TBC1D16: variants seen among roughly 807,000 people sequenced by gnomAD.
The protein encoded by TBC1D16 is TBC1 domain family member 16.
A neutral mutation model predicts 74.7 loss-of-function variants in TBC1D16; 58 were observed. The observed-to-expected ratio is 0.78, with a 90% CI of 0.63 to 0.97. The LOEUF (loss-of-function observed/expected upper bound fraction) is 0.97, where lower values mean the gene tolerates loss of function less well. Among genes scored for constraint, TBC1D16 ranks in the 50% least tolerant of loss-of-function variants. TBC1D16 has a pLI of 0.00. For missense variants in TBC1D16, 1,014 were observed against 1,079.5 expected (o/e 0.94, Z 0.85); for synonymous variants, 493 against 474.7 (o/e 1.04, Z -0.50).
intron 1 of TBC1D16, among the ~76,000 whole-genome samples, chr17:80,031,016 A>C (rs936208765): frequency 6.6e-5 from 10 of 152,292 alleles, no homozygotes; most frequent in African/African-American, 2.4e-4. Context: ...CCGCTGCAGA[A>C]CGTCTGCTGC....
chr17:80,013,622 G>A lies in TBC1D16; in HGVS notation c.-62-13C>T, dbSNP rs2035981337. On this transcript the variant is annotated splice_polypyrimidine_tract_variant and intron_variant, in intron 1 of 11. Coordinates refer to ENST00000310924, the MANE Select transcript of TBC1D16 (RefSeq NM_019020.4). Reference sequence around the variant, plus strand: ...CGTCAAGACCTGCCTGGGGGAGGAAGAGAGAGGAGATGGTCAAGGTTGTGG... The same window carrying A: ...CGTCAAGACCTGCCTGGGGGAGGAAAAGAGAGGAGATGGTCAAGGTTGTGG... 7.1e-7 allele frequency: 1 copy of A among 1,406,732 alleles called. No homozygotes were observed. The highest frequency in any genetic ancestry group is 1.5e-5 in the African/African-American group (1 of 68,622). 87.1% of individuals were successfully genotyped at this position (1,406,732 alleles called of 1,614,324 possible). A position where few individuals can be genotyped will look rare whatever the true frequency, so the allele number is the denominator to read the frequency against.
chr17:79,989,577 T>G (rs759371246), intron 3 of TBC1D16, among the ~76,000 whole-genome samples: 6 of 152,252 alleles, frequency 3.9e-5, no homozygotes, highest in Non-Finnish European at 7.3e-5. Context: ...AAACTGGCCT[T>G]GTGGAGTTCG....
In TBC1D16 at chr17:79,948,920, T is replaced by A. The variant is rs752594547; in HGVS notation, c.1493A>T (p.Asn498Ile). The part of the protein sequence containing the change: ...VDKDVVRTDR[N>I]NQFFRGEDNP... Reference sequence around the variant, plus strand: ...GTCTTCCCCCCGGAAGAACTGGTTGTTCCGATCTGTCCGGACCACGTCTTT... The same window carrying A: ...GTCTTCCCCCCGGAAGAACTGGTTGATCCGATCTGTCCGGACCACGTCTTT... Residue 498 changes from asparagine (N) to isoleucine (I), a missense_variant, in exon 8 of 12, where the codon AAC (asparagine) becomes ATC (isoleucine). Physicochemically the swap from Asn to Ile is moderately radical, Grantham distance 149. Transcript: ENST00000310924. The A allele has an allele frequency of 1.2e-6, 2 of 1,614,180 alleles. No individual in the cohort carries two copies. The highest frequency in any genetic ancestry group is 3.3e-5 in the Admixed American group (2 of 60,016).
In TBC1D16 at chr17:79,978,050, A is replaced by G. The variant is rs1439220814; in HGVS notation, c.780-25232T>C. 3.9e-5 allele frequency among the ~76,000 whole-genome samples: 6 copies of G among 152,336 alleles called. No individual in the cohort carries two copies. In the South Asian group the frequency reaches 6.2e-4, roughly 16 times the overall value. On this transcript the variant is annotated intron_variant, in intron 3 of 11. Transcript: ENST00000310924. ...AGTGGCAATGTTAAGTGATGGGCGC[A>G]CAGCCGGCCGGATTCTGCCATCCCA...
rs1438155491 is a variant in TBC1D16 at position 79,990,768 on chromosome 17, C to T, written c.779+19392G>A. Among the ~76,000 whole-genome samples the T allele has an allele frequency of 1.3e-5, 2 of 152,212 alleles. No homozygotes were observed. The highest frequency in any genetic ancestry group is 4.8e-5 in the African/African-American group (2 of 41,454). On this transcript the variant is annotated intron_variant, in intron 3 of 11. Coordinates refer to ENST00000310924, the MANE Select transcript of TBC1D16 (RefSeq NM_019020.4). The surrounding 1 kb of genome is among the most constrained non-coding windows in gnomAD (Gnocchi z 4.8). Reference sequence around the variant, plus strand: ...AGCTCCCCAACGTCCCCTCCCTCAGCCCCTGGCACCCCAATCTTTCCCTCT... The same window carrying T: ...AGCTCCCCAACGTCCCCTCCCTCAGTCCCTGGCACCCCAATCTTTCCCTCT...
intron 3 of TBC1D16, among the ~76,000 whole-genome samples, chr17:79,999,058 C>A (rs987808825): frequency 2.0e-5 from 3 of 152,068 alleles, no homozygotes; most frequent in African/African-American, 7.2e-5. Flanking sequence ...GAATTTGAGA[C>A]CAGCCCGGCC....
In TBC1D16 at chr17:79,971,413, G is replaced by A. The variant is rs575651734; in HGVS notation, c.780-18595C>T. On this transcript the variant is annotated intron_variant, in intron 3 of 11. Coordinates refer to ENST00000310924, the MANE Select transcript of TBC1D16 (RefSeq NM_019020.4). This position sits in a 1 kb window ranked among gnomAD's most constrained non-coding sequence, Gnocchi z 4.6. ...AAAAATTTTAAAAAGACTGAAGTGTGCAGAATCGGCATTGGAAGCCTGTCC... is the reference window on the plus strand; with the variant it reads ...AAAAATTTTAAAAAGACTGAAGTGTACAGAATCGGCATTGGAAGCCTGTCC... Among the ~76,000 whole-genome samples, 1 of 152,330 alleles carries A rather than the reference G, an allele frequency of 6.6e-6. No homozygotes were observed. The highest frequency in any genetic ancestry group is 1.9e-4 in the East Asian group (1 of 5,184).
chr17:79,976,537 C>A (rs978367644), intron 3 of TBC1D16, among the ~76,000 whole-genome samples: 6 of 152,202 alleles, frequency 3.9e-5, no homozygotes, highest in African/African-American at 1.4e-4. Flanking sequence ...TCCTTCCCAA[C>A]AAAGATGAGC....
At chr17:79,942,389 C>T (rs917026698) in intron 10 of TBC1D16, among the ~76,000 whole-genome samples, 183 bp from the exon 11 acceptor site, 1 of 152,172 alleles carries the variant, frequency 6.6e-6, no homozygotes, top group Non-Finnish European at 1.5e-5. Context: ...TAAGTTTCCC[C>T]ACCTGCACAT....
rs556574119 is a variant in TBC1D16 at position 79,986,906 on chromosome 17, C to T, written c.779+23254G>A. Among the ~76,000 whole-genome samples the T allele has an allele frequency of 1.2e-3, 183 of 152,368 alleles. 1 individual carries two copies. Among genetic ancestry groups the T allele is most frequent in the South Asian group, 0.011 (55 of 4,832 alleles). ...GCTGGACTGCGGTCAGCCGTCCCCT[C>T]GCGCCCTCCGGTCTCTGCTGCTGTG... On this transcript the variant is annotated intron_variant, in intron 3 of 11. Transcript: ENST00000310924. This position sits in a 1 kb window ranked among gnomAD's most constrained non-coding sequence, Gnocchi z 6.0.
rs914585019 is a variant in TBC1D16 at position 79,988,535 on chromosome 17, C to A, written c.779+21625G>T. Among the ~76,000 whole-genome samples the A allele has an allele frequency of 6.6e-6, 1 of 152,228 alleles. No individual in the cohort carries two copies. The highest frequency in any genetic ancestry group is 1.5e-5 in the Non-Finnish European group (1 of 68,044). Reference sequence around the variant, plus strand: ...GTCAAACGCGCCCAGAGTCCACAGTCGACCACCTCCCGCTCGGCAAGCCAG... The same window carrying A: ...GTCAAACGCGCCCAGAGTCCACAGTAGACCACCTCCCGCTCGGCAAGCCAG... On this transcript the variant is annotated intron_variant, in intron 3 of 11. Transcript: ENST00000310924. The surrounding 1 kb of genome is among the most constrained non-coding windows in gnomAD (Gnocchi z 5.7).
chr17:79,977,358 C>T (rs977412108), intron 3 of TBC1D16, among the ~76,000 whole-genome samples: 1 of 152,218 alleles, frequency 6.6e-6, no homozygotes, highest in African/African-American at 2.4e-5. Context: ...GCAGCAGCCT[C>T]CACCTCCGGG....
At position 79,995,194 on chromosome 17, in the gene TBC1D16, G is replaced by C. The variant is rs577503211; in HGVS notation, c.779+14966C>G. Among the ~76,000 whole-genome samples, 4 of 152,084 alleles carry C rather than the reference G, an allele frequency of 2.6e-5. No individual in the cohort carries two copies. In the East Asian group the frequency reaches 7.8e-4, roughly 30 times the overall value. ...GCACTCCTGTAATTCCAGCTACTCC[G>C]GAGGCTGAGGTAGGAGAATTGCTTG... On this transcript the variant is annotated intron_variant, in intron 3 of 11. Transcript: ENST00000310924.
rs1212174292 is a variant in TBC1D16 at position 79,979,070 on chromosome 17, A to G, written c.780-26252T>C. Among the ~76,000 whole-genome samples the G allele has an allele frequency of 6.6e-6, 1 of 152,248 alleles. No homozygotes were observed. Among genetic ancestry groups the G allele is most frequent in the East Asian group, 1.9e-4 (1 of 5,198 alleles). On this transcript the variant is annotated intron_variant, in intron 3 of 11. Coordinates refer to ENST00000310924, the MANE Select transcript of TBC1D16 (RefSeq NM_019020.4). The surrounding 1 kb of genome is among the most constrained non-coding windows in gnomAD (Gnocchi z 4.8). ...TTTTATAGGAGCTTAACGTGGGCAA[A>G]CCAATGAGATGATTCTAAACCAAAG...
intron 3 of TBC1D16, among the ~76,000 whole-genome samples, chr17:79,996,992 T>A (rs111778332): frequency 0.017 from 2,521 of 152,238 alleles, 33 homozygotes; most frequent in Middle Eastern, 0.031. Context: ...ACAGCTTGGA[T>A]AGAGCTTCAC....
intron 1 of TBC1D16, among the ~76,000 whole-genome samples, chr17:80,022,987 C>T (rs773946589): frequency 2.7e-5 from 4 of 149,942 alleles, no homozygotes; most frequent in Non-Finnish European, 2.9e-5. Context: ...GTGCCTTGGC[C>T]GTGACCCGGA....
In TBC1D16 at chr17:79,944,213, T is replaced by C; in HGVS notation, c.1908+695A>G. ...CTGACGGAGGCTGCTGGAGCTGCCG[T>C]GGTGGATAGAGCCAGCTCCTGCAAA... On this transcript the variant is annotated intron_variant, in intron 10 of 11. Transcript: ENST00000310924. This position sits in a 1 kb window ranked among gnomAD's most constrained non-coding sequence, Gnocchi z 7.7. 2 of 1,449,690 alleles carry C rather than the reference T, an allele frequency of 1.4e-6. No individual in the cohort carries two copies. The highest frequency in any genetic ancestry group is 2.5e-5 in the East Asian group (1 of 40,200). 89.8% of individuals were successfully genotyped at this position (1,449,690 alleles called of 1,614,324 possible).
chr17:79,955,012 C>T (rs564975790), intron 3 of TBC1D16, among the ~76,000 whole-genome samples: 20 of 152,258 alleles, frequency 1.3e-4, no homozygotes, highest in African/African-American at 4.8e-4. Flanking sequence ...CCTGGAGGGC[C>T]GGAGCCGATT....
At chr17:80,021,704 GACAC>G (rs2036287703) in intron 1 of TBC1D16, among the ~76,000 whole-genome samples, 1 of 141,558 alleles carries the variant, frequency 7.1e-6, no homozygotes, top group South Asian at 2.3e-4. Flanking sequence ...AAACATCACA[GACAC>G]ACACACCACA....
Sources: gnomAD v4.1 joint callset for allele counts (sites outside exome capture counted in the v4.1 genomes callset) on GRCh38, gnomAD v4.1.1 for gene constraint, Gnocchi (gnomAD v3.1) non-coding constraint, MANE v1.5 for transcripts, NCBI Gene and HGNC (gene_info 2026-07-23, HGNC 2026-07-21) for gene names.